MIS18A: variants seen among roughly 807,000 people sequenced by gnomAD.
MIS18A encodes MIS18 kinetochore protein A, also known as protein Mis18-alpha.
In MIS18A, 14 loss-of-function variants were observed where a neutral mutation model predicts 25.0. The observed-to-expected ratio is 0.56, with a 90% CI of 0.37 to 0.88. MIS18A has a LOEUF of 0.88. Among genes scored for constraint, MIS18A ranks in the 40% least tolerant of loss-of-function variants. The pLI, the probability that MIS18A is intolerant of heterozygous loss-of-function variation, is 0.00. For synonymous variants in MIS18A, 134 were observed against 118.6 expected (o/e 1.13, Z -0.84); for missense variants, 292 against 290.8 (o/e 1.00, Z -0.03).
chr21:32,200,665 C>T, the MIS18A span, among the ~76,000 whole-genome samples: 1 of 152,046 alleles, frequency 6.6e-6, no homozygotes, highest in Non-Finnish European at 1.5e-5. Flanking sequence ...GTCTCGATCT[C>T]CTGACCTCGT....
At chr21:32,254,511 A>G in the MIS18A span, among the ~76,000 whole-genome samples, 2,576 of 152,256 alleles carry the variant, frequency 0.017, 76 homozygotes, top group African/African-American at 0.057. Context: ...AGCCTGGACA[A>G]GAAGAGTGAA....
chr21:32,250,233 G>A, the MIS18A span, among the ~76,000 whole-genome samples: 12 of 152,034 alleles, frequency 7.9e-5, no homozygotes, highest in African/African-American at 1.4e-4. Context: ...TATAAAAGAC[G>A]CACTTCTAAA....
chr21:32,200,942 C>A, the MIS18A span, among the ~76,000 whole-genome samples: 2 of 152,126 alleles, frequency 1.3e-5, no homozygotes, highest in African/African-American at 4.8e-5. Flanking sequence ...CCTACCTGTG[C>A]CTCTCAGTCC....
the MIS18A span, among the ~76,000 whole-genome samples, chr21:32,190,871 C>A: frequency 6.6e-6 from 1 of 152,202 alleles, no homozygotes; most frequent in Admixed American, 6.5e-5. Flanking sequence ...CTGGACACTT[C>A]GATGTATGTC....
At chr21:32,244,292 ATT>A in the MIS18A span, among the ~76,000 whole-genome samples, 1 of 147,430 alleles carries the variant, frequency 6.8e-6, no homozygotes, top group Non-Finnish European at 1.5e-5. Flanking sequence ...GCACACGGGA[ATT>A]TTTTTTTTTT....
At chr21:32,255,920 C>A in the MIS18A span, among the ~76,000 whole-genome samples, 1 of 151,326 alleles carries the variant, frequency 6.6e-6, no homozygotes, top group African/African-American at 2.4e-5. Flanking sequence ...AACGTGTTTA[C>A]GCCTGGGGTA....
the MIS18A span, among the ~76,000 whole-genome samples, chr21:32,162,247 C>T: frequency 6.6e-6 from 1 of 152,096 alleles, no homozygotes; most frequent in Non-Finnish European, 1.5e-5. Context: ...AAAGCCTCAC[C>T]GACACTGCCA....
chr21:32,183,637 C>A, the MIS18A span, among the ~76,000 whole-genome samples: 13 of 152,126 alleles, frequency 8.5e-5, no homozygotes, highest in Admixed American at 7.9e-4. Flanking sequence ...CTTTTCAGAG[C>A]CAGTGAAGGA....
the MIS18A span, among the ~76,000 whole-genome samples, chr21:32,249,944 A>G: frequency 6.6e-6 from 1 of 152,190 alleles, no homozygotes; most frequent in Non-Finnish European, 1.5e-5. Context: ...AAGCCTCTCA[A>G]CCACTCTGTG....
chr21:32,241,107 C>T, the MIS18A span, among the ~76,000 whole-genome samples: 13 of 152,204 alleles, frequency 8.5e-5, no homozygotes, highest in South Asian at 2.1e-4. Flanking sequence ...CTAGAGAGAC[C>T]GTAGTGATTT....
At chr21:32,200,882 TC>T in the MIS18A span, among the ~76,000 whole-genome samples, 2 of 152,154 alleles carry the variant, frequency 1.3e-5, no homozygotes, top group African/African-American at 4.8e-5. Context: ...CTCCTAATTA[TC>T]TTTTGATAAC....
chr21:32,204,281 G>T, the MIS18A span, among the ~76,000 whole-genome samples: 1 of 151,870 alleles, frequency 6.6e-6, no homozygotes, highest in South Asian at 2.1e-4. Flanking sequence ...GGTGGATCAT[G>T]AGGTCCACAG....
In MIS18A at chr21:32,268,544, CCT is replaced by C. The variant is rs1376979928; in HGVS notation, c.*491_*492del. ...TTCCATGACACTGTGGGTAGACAAA[CCT>C]CTAAGATTTTTCTTATCATTTATAA... On this transcript the variant is annotated 3_prime_UTR_variant, in exon 5 of 5. Coordinates refer to ENST00000290130, the MANE Select transcript of MIS18A (RefSeq NM_018944.3). 6.6e-6 allele frequency: 1 copy of C among 152,168 alleles called. No individual in the cohort carries two copies. The highest frequency in any genetic ancestry group is 2.4e-5 in the African/African-American group (1 of 41,420). The allele number at this position is 152,168 out of a possible 1,614,324, so 9.4% of individuals were successfully genotyped here. A position where few individuals can be genotyped will look rare whatever the true frequency, so the allele number is the denominator to read the frequency against.
At chr21:32,258,121 A>C in the MIS18A span, among the ~76,000 whole-genome samples, 5 of 152,196 alleles carry the variant, frequency 3.3e-5, no homozygotes, top group African/African-American at 1.2e-4. Context: ...CGGCAACTCC[A>C]AACTGAGCTG....
At chr21:32,241,561 G>A in the MIS18A span, among the ~76,000 whole-genome samples, 1 of 152,182 alleles carries the variant, frequency 6.6e-6, no homozygotes, top group South Asian at 2.1e-4. Flanking sequence ...AAGACTTGGA[G>A]CCAGCTACCT....
the MIS18A span, among the ~76,000 whole-genome samples, chr21:32,171,449 T>C: frequency 3.9e-5 from 6 of 152,002 alleles, no homozygotes; most frequent in African/African-American, 1.4e-4. Context: ...ACAAGTACAG[T>C]TATGTTTCAC....
chr21:32,242,625 T>G, the MIS18A span, among the ~76,000 whole-genome samples: 1 of 152,232 alleles, frequency 6.6e-6, no homozygotes, highest in South Asian at 2.1e-4. Context: ...TATTCTTGAA[T>G]GTAGACAGTA....
the MIS18A span, among the ~76,000 whole-genome samples, chr21:32,243,803 A>C: frequency 6.6e-6 from 1 of 152,156 alleles, no homozygotes; most frequent in South Asian, 2.1e-4. Context: ...AGATTACCTG[A>C]GGTCAGAAGT....
chr21:32,252,830 A>G, the MIS18A span, among the ~76,000 whole-genome samples: 7 of 152,156 alleles, frequency 4.6e-5, no homozygotes, highest in Non-Finnish European at 8.8e-5. Flanking sequence ...AATACAAACG[A>G]TTTTGTTTAG....
Sources: gnomAD v4.1 joint callset for allele counts (sites outside exome capture counted in the v4.1 genomes callset) on GRCh38, gnomAD v4.1.1 for gene constraint, MANE v1.5 for transcripts, NCBI Gene and HGNC (gene_info 2026-07-23, HGNC 2026-07-21) for gene names.